Variants in BMF observed in about 807,000 individuals in gnomAD.
BMF encodes the protein Bcl2 modifying factor, also known as bcl-2-modifying factor.
In BMF, 10 loss-of-function variants were observed where a neutral mutation model predicts 22.0. The observed-to-expected ratio is 0.45, with a 90% CI of 0.28 to 0.77. The LOEUF is 0.77. Ranked by LOEUF, BMF falls within the 30% of genes least tolerant of loss-of-function variation. The probability of loss-of-function intolerance (pLI) is 0.13; values close to 1 mark genes in which losing one functional copy is unlikely to be tolerated. For missense variants in BMF, 206 were observed against 226.8 expected (o/e 0.91, Z 0.59); for synonymous variants, 87 against 88.1 (o/e 0.99, Z 0.07).
intron 4 of BMF, among the ~76,000 whole-genome samples, chr15:40,099,664 A>C (rs2036435398): frequency 6.6e-6 from 1 of 151,978 alleles, no homozygotes; most frequent in Middle Eastern, 3.4e-3. Flanking sequence ...CTGTAATTCC[A>C]GCTACTCAGG....
intron 4 of BMF, among the ~76,000 whole-genome samples, chr15:40,103,164 C>T (rs2036514177): frequency 6.6e-6 from 1 of 152,248 alleles, no homozygotes; most frequent in Non-Finnish European, 1.5e-5. Flanking sequence ...CGGAGTCTGC[C>T]CAGTCATGGT....
At position 40,106,172 on chromosome 15, in the gene BMF, C is replaced by T. The variant is rs2036583615; in HGVS notation, c.-5-81G>A. The T allele has an allele frequency of 1.4e-6, 2 of 1,440,078 alleles. No homozygotes were observed. Among genetic ancestry groups the T allele is most frequent in the Admixed American group, 2.4e-5 (1 of 41,058 alleles). 89.2% of individuals were successfully genotyped at this position (1,440,078 alleles called of 1,614,324 possible). A position where few individuals can be genotyped will look rare whatever the true frequency, so the allele number is the denominator to read the frequency against. Reference sequence around the variant, plus strand: ...AAGGACTCCCCTTCCCTTCTTCCTACCATACTCCCCCTTCTTATTTGAGCT... The same window carrying T: ...AAGGACTCCCCTTCCCTTCTTCCTATCATACTCCCCCTTCTTATTTGAGCT... On this transcript the variant is annotated intron_variant, in intron 2 of 4. Coordinates refer to ENST00000354670, the MANE Select transcript of BMF (RefSeq NM_001003940.2). The surrounding 1 kb of genome is among the most constrained non-coding windows in gnomAD (Gnocchi z 4.1).
At chr15:40,093,331 A>C (rs542666646) in intron 4 of BMF, among the ~76,000 whole-genome samples, 1 of 152,342 alleles carries the variant, frequency 6.6e-6, no homozygotes, top group Admixed American at 6.5e-5. Flanking sequence ...GAGCCTGGAA[A>C]ACAACCCGGC....
intron 4 of BMF, among the ~76,000 whole-genome samples, chr15:40,095,909 C>G (rs2036349780): frequency 6.6e-6 from 1 of 152,194 alleles, no homozygotes; most frequent in Non-Finnish European, 1.5e-5. Context: ...GTTTCAATCC[C>G]TACTGTGTGC....
At chr15:40,105,699 G>T in intron 3 of BMF, 96 bp downstream of exon 3, 6 of 1,386,526 alleles carry the variant, frequency 4.3e-6, no homozygotes, top group Non-Finnish European at 4.9e-6. Flanking sequence ...TGATCACTTT[G>T]GGGGAAGGAA....
At chr15:40,107,447 T>C (rs1269665184) in intron 2 of BMF, among the ~76,000 whole-genome samples, 1 of 152,142 alleles carries the variant, frequency 6.6e-6, no homozygotes, top group Non-Finnish European at 1.5e-5. Flanking sequence ...TCTATGGTCC[T>C]GTCTGTGCCC....
chr15:40,099,175 C>T lies in BMF; in HGVS notation c.453+5005G>A, dbSNP rs867572003. 3.7e-4 allele frequency among the ~76,000 whole-genome samples: 56 copies of T among 152,312 alleles called. No individual in the cohort carries two copies. In the Middle Eastern group the frequency reaches 0.024, roughly 65 times the overall value. ...TCTAGACGCTGAGCAACCTAGTTAG[C>T]CAGCTTAAGTTCCAGAAAACCACTC... is the stretch of plus-strand genomic sequence containing the variant. On this transcript the variant is annotated intron_variant, in intron 4 of 4. Coordinates refer to ENST00000354670, the MANE Select transcript of BMF (RefSeq NM_001003940.2).
At chr15:40,092,330 G>A (rs946282522) in intron 4 of BMF, among the ~76,000 whole-genome samples, 7 of 152,044 alleles carry the variant, frequency 4.6e-5, no homozygotes, top group Non-Finnish European at 8.8e-5. Flanking sequence ...GGGGAAAGGG[G>A]GGGCCTCCAT....
intron 4 of BMF, among the ~76,000 whole-genome samples, chr15:40,102,742 C>T (rs1264833675): frequency 6.6e-6 from 1 of 152,218 alleles, no homozygotes; most frequent in Non-Finnish European, 1.5e-5. Flanking sequence ...CTGGGCTCAG[C>T]CGTAGGCCTG....
At chr15:40,102,416 CAAAAAAAAAA>C (rs71132141) in intron 4 of BMF, among the ~76,000 whole-genome samples, 82 of 95,812 alleles carry the variant, frequency 8.6e-4, no homozygotes, top group South Asian at 6.0e-3. Context: ...GCGAAAGAGC[CAAAAAAAAAA>C]AAAAAAAAAA....
chr15:40,088,311 C>T lies in BMF; in HGVS notation c.*3476G>A, dbSNP rs1250612086. Reference sequence around the variant, plus strand: ...CAAGACTCAAAAGTCCCCACCAGCCCTCAGGCTGCCTAAGGGTGACAGGTG... The same window carrying T: ...CAAGACTCAAAAGTCCCCACCAGCCTTCAGGCTGCCTAAGGGTGACAGGTG... On this transcript the variant is annotated 3_prime_UTR_variant, in exon 5 of 5. Transcript: ENST00000354670. 6.6e-6 allele frequency: 1 copy of T among 152,268 alleles called. No homozygotes were observed. The highest frequency in any genetic ancestry group is 1.5e-5 in the Non-Finnish European group (1 of 68,066). The allele number at this position is 152,268 out of a possible 1,614,324, so 9.4% of individuals were successfully genotyped here.
At position 40,088,869 on chromosome 15, in the gene BMF, A is replaced by G. The variant is rs2036181267; in HGVS notation, c.*2918T>C. 1 of 152,420 alleles carries G rather than the reference A, an allele frequency of 6.6e-6. No individual in the cohort carries two copies. Among genetic ancestry groups the G allele is most frequent in the Non-Finnish European group, 1.5e-5 (1 of 68,074 alleles). The allele number at this position is 152,420 out of a possible 1,614,324, so 9.4% of individuals were successfully genotyped here. ...AGGCAGAGGCCAGGCTGAGTCCTCC[A>G]CCCTCATTGCAGGAGTCCAGCGTCT... On this transcript the variant is annotated 3_prime_UTR_variant, in exon 5 of 5. Coordinates refer to ENST00000354670, the MANE Select transcript of BMF (RefSeq NM_001003940.2).
intron 3 of BMF, among the ~76,000 whole-genome samples, chr15:40,104,757 C>A (rs2036549583): frequency 6.6e-6 from 1 of 152,136 alleles, no homozygotes; most frequent in South Asian, 2.1e-4. Context: ...AAGTAAGAGG[C>A]AGAGCAAGAA....
rs538751900 is a variant in BMF, at chr15:40,094,363, G to A, written c.454-2475C>T. Among the ~76,000 whole-genome samples the A allele has an allele frequency of 8.5e-4, 129 of 152,316 alleles. 1 individual carries two copies. The highest frequency in any genetic ancestry group is 2.6e-3 in the African/African-American group (110 of 41,556). On this transcript the variant is annotated intron_variant, in intron 4 of 4. Coordinates refer to ENST00000354670, the MANE Select transcript of BMF (RefSeq NM_001003940.2). Reference sequence around the variant, plus strand: ...TTGCAGGGGACCCAGGCAGGCCTAGGTGCAGGAGGCAGGATACATGGGCCG... The same window carrying A: ...TTGCAGGGGACCCAGGCAGGCCTAGATGCAGGAGGCAGGATACATGGGCCG...
chr15:40,102,622 T>C (rs2036502948), intron 4 of BMF, among the ~76,000 whole-genome samples: 1 of 152,000 alleles, frequency 6.6e-6, no homozygotes, highest in Non-Finnish European at 1.5e-5. Flanking sequence ...GAGATCAGAT[T>C]ATTGCAAATG....
intron 2 of BMF, among the ~76,000 whole-genome samples, chr15:40,107,327 T>A (rs1471554768): frequency 6.6e-6 from 1 of 152,234 alleles, no homozygotes; most frequent in East Asian, 1.9e-4. Context: ...ATTGGTGAAG[T>A]AGCTAAAAGA....
chr15:40,093,100 G>T (rs1014462073), intron 4 of BMF, among the ~76,000 whole-genome samples: 5 of 152,224 alleles, frequency 3.3e-5, no homozygotes, highest in African/African-American at 1.2e-4. Flanking sequence ...TGGAAAGGGG[G>T]CCCAGGTTGC....
chr15:40,108,556 A>T (rs974887888), intron 1 of BMF, 170 bp from the exon 2 acceptor site: 12 of 152,480 alleles, frequency 7.9e-5, no homozygotes, highest in African/African-American at 2.9e-4. Flanking sequence ...TCGAGTCCCA[A>T]ATGCTACCCC....
In BMF at chr15:40,091,791, C is replaced by T. The variant is rs757509267; in HGVS notation, c.551G>A (p.Arg184Lys). 6.2e-7 allele frequency: 1 copy of T among 1,605,228 alleles called. No homozygotes were observed. Among genetic ancestry groups the T allele is most frequent in the Non-Finnish European group, 8.5e-7 (1 of 1,176,146 alleles). ...TGTGAAGAGGGCAGCCCACCCTCAC[C>T]TAGGGCCTGCCCCGTTCCTGTTCTC... ...GEENRNGAGP[R>K] Residue 184 changes from arginine to lysine, a missense_variant, in exon 5 of 5, where the codon AGG (arginine) becomes AAG (lysine). By Grantham distance (26) the Arg-to-Lys change is conservative. Coordinates refer to ENST00000354670, the MANE Select transcript of BMF (RefSeq NM_001003940.2).
Sources: gnomAD v4.1 joint callset for allele counts (sites outside exome capture counted in the v4.1 genomes callset) on GRCh38, gnomAD v4.1.1 for gene constraint, Gnocchi (gnomAD v3.1) non-coding constraint, MANE v1.5 for transcripts, NCBI Gene and HGNC (gene_info 2026-07-23, HGNC 2026-07-21) for gene names.